Variants in NREP observed in about 807,000 individuals in gnomAD.
The protein encoded by NREP is neuronal regeneration-related protein.
NREP carries 5 observed loss-of-function variants against 8.6 expected under a neutral mutation model. The ratio of observed to expected loss-of-function variants is 0.58; its 90% CI spans 0.30 to 1.22. The LOEUF is 1.22. NREP is among the 50% of genes most tolerant of loss of function. The probability of loss-of-function intolerance (pLI) is 0.07; values close to 1 mark genes in which losing one functional copy is unlikely to be tolerated. For missense variants in NREP, 86 were observed against 82.5 expected (o/e 1.04, Z -0.17); for synonymous variants, 27 against 28.0 (o/e 0.96, Z 0.11).
At chr5:111,782,146 T>C (rs1182159591) in intron 2 of NREP, among the ~76,000 whole-genome samples, 1 of 152,200 alleles carries the variant, frequency 6.6e-6, no homozygotes, top group Non-Finnish European at 1.5e-5. Flanking sequence ...ATGGTAGCTG[T>C]GATTATTGTA....
chr5:111,780,489 T>A (rs1294964375), intron 2 of NREP, among the ~76,000 whole-genome samples: 4 of 152,158 alleles, frequency 2.6e-5, no homozygotes, highest in African/African-American at 9.7e-5. Flanking sequence ...GTTATTTGGC[T>A]ACAATGTAAA....
intron 2 of NREP, among the ~76,000 whole-genome samples, chr5:111,943,205 A>G (rs1389523833): frequency 6.6e-6 from 1 of 152,044 alleles, no homozygotes; most frequent in Non-Finnish European, 1.5e-5. Context: ...AGTCATTTCC[A>G]TATTAATAAT....
At chr5:111,869,949 T>C (rs1753751926) in intron 2 of NREP, among the ~76,000 whole-genome samples, 1 of 152,172 alleles carries the variant, frequency 6.6e-6, no homozygotes, top group Admixed American at 6.5e-5. Context: ...ACACGTTCCA[T>C]TGTCTGTGAC....
intron 2 of NREP, among the ~76,000 whole-genome samples, chr5:111,885,331 C>T (rs1416289711): frequency 1.4e-4 from 22 of 151,758 alleles, no homozygotes; most frequent in African/African-American, 4.4e-4. Context: ...AAAGAGGATA[C>T]AAACAAATGG....
intron 2 of NREP, among the ~76,000 whole-genome samples, chr5:111,803,491 C>T (rs903040841): frequency 1.3e-5 from 2 of 152,110 alleles, no homozygotes; most frequent in East Asian, 1.9e-4. Flanking sequence ...CCTTTCATTG[C>T]GTTCCTTTCA....
intron 2 of NREP, among the ~76,000 whole-genome samples, chr5:111,887,954 T>A (rs1391175789): frequency 6.6e-6 from 1 of 152,136 alleles, no homozygotes; most frequent in African/African-American, 2.4e-5. Flanking sequence ...TACAAAATCT[T>A]TGGAAATTGA....
intron 2 of NREP, among the ~76,000 whole-genome samples, chr5:111,766,604 A>G (rs1751090875): frequency 6.6e-6 from 1 of 152,050 alleles, no homozygotes. Flanking sequence ...ATATCCAAAA[A>G]TCTCTCTTCT....
chr5:111,812,730 T>A lies in NREP; in HGVS notation c.136-77223A>T, dbSNP rs1432713747. Among the ~76,000 whole-genome samples, 9 of 152,272 alleles carry A rather than the reference T, an allele frequency of 5.9e-5. No homozygotes were observed. The East Asian group carries it at 1.7e-3, about 29-fold the overall frequency. On this transcript the variant is annotated intron_variant, in intron 2 of 3. Coordinates refer to the NREP transcript ENST00000395634. ...CTCAAAGATGCCATTTCTATGTAAC[T>A]CAGTGGTAGTCCTAATATAGTAATT... is the stretch of plus-strand genomic sequence containing the variant.
At chr5:111,867,258 T>G (rs560185217) in intron 2 of NREP, among the ~76,000 whole-genome samples, 3 of 152,272 alleles carry the variant, frequency 2.0e-5, no homozygotes, top group Non-Finnish European at 4.4e-5. Flanking sequence ...GATTTTCTCA[T>G]GGATCTAAAG....
chr5:111,826,413 C>G (rs1199370490), intron 2 of NREP, among the ~76,000 whole-genome samples: 4 of 152,302 alleles, frequency 2.6e-5, no homozygotes, highest in Middle Eastern at 3.4e-3. Flanking sequence ...GGCTGCTGCT[C>G]AGTGTTTGGG....
intron 2 of NREP, among the ~76,000 whole-genome samples, chr5:111,778,991 G>A (rs1428528642): frequency 2.0e-5 from 3 of 151,978 alleles, no homozygotes; most frequent in Non-Finnish European, 2.9e-5. Flanking sequence ...CAACCTTTAC[G>A]TTGCAATCAT....
intron 2 of NREP, among the ~76,000 whole-genome samples, chr5:111,740,089 C>T (rs1749518462): frequency 6.6e-6 from 1 of 150,788 alleles, no homozygotes; most frequent in Non-Finnish European, 1.5e-5. Context: ...TGTTTGAATT[C>T]TGGGGAAGTT....
chr5:111,826,260 C>T (rs1276436977), intron 2 of NREP, among the ~76,000 whole-genome samples: 3 of 152,176 alleles, frequency 2.0e-5, no homozygotes, highest in South Asian at 4.1e-4. Flanking sequence ...GACCAATCAG[C>T]TCTCTGTATA....
intron 2 of NREP, among the ~76,000 whole-genome samples, chr5:111,877,476 T>C (rs1028194007): frequency 1.3e-5 from 2 of 152,240 alleles, no homozygotes; most frequent in African/African-American, 4.8e-5. Context: ...ATTTGCTTGC[T>C]GTTTAGAAAC....
chr5:111,869,323 T>C (rs559514784), intron 2 of NREP, among the ~76,000 whole-genome samples: 1 of 152,340 alleles, frequency 6.6e-6, no homozygotes, highest in South Asian at 2.1e-4. Flanking sequence ...TTACGTTCCA[T>C]TTGTTGAAGT....
At chr5:111,789,038 G>A (rs1374473948) in intron 2 of NREP, among the ~76,000 whole-genome samples, 1 of 152,210 alleles carries the variant, frequency 6.6e-6, no homozygotes, top group Non-Finnish European at 1.5e-5. Context: ...GTGGGACACT[G>A]GCTGGGCAGA....
intron 2 of NREP, among the ~76,000 whole-genome samples, chr5:111,881,253 A>G (rs1339909250): frequency 2.6e-5 from 4 of 152,196 alleles, no homozygotes; most frequent in African/African-American, 9.6e-5. Context: ...TCAAACTGCA[A>G]GGTGGCAGCC....
chr5:111,793,179 C>T (rs1405713849), intron 2 of NREP, among the ~76,000 whole-genome samples: 2 of 152,154 alleles, frequency 1.3e-5, no homozygotes, highest in Non-Finnish European at 2.9e-5. Context: ...GTTTTAGGAA[C>T]TGTGTAAGTC....
At chr5:111,912,301 A>G (rs1754934900) in intron 2 of NREP, among the ~76,000 whole-genome samples, 1 of 151,976 alleles carries the variant, frequency 6.6e-6, no homozygotes, top group African/African-American at 2.4e-5. Flanking sequence ...AAAATGAGCT[A>G]GGGTCTGCCC....
Sources: allele counts gnomAD v4.1 joint callset (sites outside exome capture counted in the v4.1 genomes callset), GRCh38; gene constraint gnomAD v4.1.1; transcripts MANE v1.5; gene names NCBI Gene and HGNC (gene_info 2026-07-23, HGNC 2026-07-21).